Variants in LRRC4B observed in about 807,000 individuals in gnomAD.
LRRC4B encodes the protein leucine rich repeat containing 4B, also known as leucine-rich repeat-containing protein 4B.
In LRRC4B, 1 loss-of-function variant was observed where a neutral mutation model predicts 7.3. That is an observed-to-expected ratio of 0.14 (90% CI 0.05 to 0.65). LRRC4B has a LOEUF of 0.65. LRRC4B is among the 30% of genes least tolerant of loss of function. The pLI is 0.84. For missense variants in LRRC4B, 730 were observed against 1,041.6 expected (o/e 0.70, Z 4.12); for synonymous variants, 500 against 499.2 (o/e 1.00, Z -0.02).
rs1232779786 is a variant in LRRC4B at position 50,548,345 on chromosome 19, C to T, written c.297+197G>A. Among the ~76,000 whole-genome samples, 5 of 152,378 alleles carry T rather than the reference C, an allele frequency of 3.3e-5. No individual in the cohort carries two copies. Among genetic ancestry groups the T allele is most frequent in the African/African-American group, 7.2e-5 (3 of 41,588 alleles). On this transcript the variant is annotated intron_variant, in intron 2 of 2. Transcript: ENST00000652263. The surrounding 1 kb of genome is among the most constrained non-coding windows in gnomAD (Gnocchi z 6.8). ...TGGCTCAGAGACAGGGAGCACTGTG[C>T]TCTCAAAGCCCGGAGGGCCTCCACT... is the stretch of plus-strand genomic sequence containing the variant.
intron 1 of LRRC4B, among the ~76,000 whole-genome samples, chr19:50,562,210 T>C (rs556267478): frequency 1.4e-3 from 211 of 151,746 alleles, no homozygotes; most frequent in Non-Finnish European, 2.0e-3. Context: ...CTCTGTAAAC[T>C]GGGAGTCTCA....
chr19:50,517,877 C>T lies in LRRC4B; in HGVS notation c.1836G>A (p.Thr612=), dbSNP rs774752681. ...QHQLHKHHGP[T]RTVEIINVED... is the part of the protein sequence containing the mutation. ...CCACGTTGATGATCTCCACGGTGCG[C>T]GTGGGCCCGTGGTGCTTGTGGAGCT... The change falls in exon 3 of 3, where the codon ACG becomes ACA. Residue 612 remains threonine (T), a synonymous_variant. Coordinates refer to ENST00000652263, the MANE Select transcript of LRRC4B (RefSeq NM_001080457.2). This position sits in a 1 kb window ranked among gnomAD's most constrained non-coding sequence, Gnocchi z 6.6. 6.3e-7 allele frequency: 1 copy of T among 1,595,860 alleles called. No individual in the cohort carries two copies. The highest frequency in any genetic ancestry group is 8.5e-7 in the Non-Finnish European group (1 of 1,174,198).
intron 2 of LRRC4B, among the ~76,000 whole-genome samples, chr19:50,521,189 A>C (rs1980564592): frequency 6.6e-6 from 1 of 152,110 alleles, no homozygotes; most frequent in Non-Finnish European, 1.5e-5. Context: ...CGCCGAACAC[A>C]AAGGAGCCGG....
chr19:50,544,376 G>C (rs866819297), intron 2 of LRRC4B, among the ~76,000 whole-genome samples: 2 of 151,610 alleles, frequency 1.3e-5, no homozygotes, highest in African/African-American at 4.8e-5. Flanking sequence ...GTGTGGTGGC[G>C]GGCACCTGTA....
intron 1 of LRRC4B, among the ~76,000 whole-genome samples, chr19:50,552,645 C>CATCT (rs1568733964): frequency 0.05 from 4,958 of 99,376 alleles, 341 homozygotes; most frequent in African/African-American, 0.14. Flanking sequence ...TCCGCCCATC[C>CATCT]GTCCATCCAT....
chr19:50,533,495 C>G lies in LRRC4B; in HGVS notation c.298-14080G>C, dbSNP rs569534670. Among the ~76,000 whole-genome samples the G allele has an allele frequency of 7.2e-5, 11 of 152,222 alleles. No homozygotes were observed. The South Asian group carries it at 2.3e-3, about 32-fold the overall frequency. ...ATACCAAAGACCAGTTCATTCTTCT[C>G]TTCTCCTCCCAAATAATACAAAGAC... On this transcript the variant is annotated intron_variant, in intron 2 of 2. Transcript: ENST00000652263.
rs190894518 is a variant in LRRC4B, at chr19:50,553,591, C to T, written c.-35-4718G>A. ...ACCTTCTCAGTGAGGCCGTCCTGACCGCCCCGCATCAAACAGCACCCCTAT... is the reference window on the plus strand; with the variant it reads ...ACCTTCTCAGTGAGGCCGTCCTGACTGCCCCGCATCAAACAGCACCCCTAT... On this transcript the variant is annotated intron_variant, in intron 1 of 2. Coordinates refer to ENST00000652263, the MANE Select transcript of LRRC4B (RefSeq NM_001080457.2). This position sits in a 1 kb window ranked among gnomAD's most constrained non-coding sequence, Gnocchi z 4.2. Among the ~76,000 whole-genome samples, 6 of 152,332 alleles carry T rather than the reference C, an allele frequency of 3.9e-5. No homozygotes were observed. Among genetic ancestry groups the T allele is most frequent in the African/African-American group, 4.8e-5 (2 of 41,578 alleles).
At chr19:50,566,602 CCTGGGCT>C (rs767934949) in intron 1 of LRRC4B, among the ~76,000 whole-genome samples, 15 of 151,012 alleles carry the variant, frequency 9.9e-5, no homozygotes, top group Non-Finnish European at 1.9e-4. Context: ...AAGAGGCCAT[CCTGGGCT>C]CTGGAGACTC....
chr19:50,543,371 T>C (rs956932778), intron 2 of LRRC4B, among the ~76,000 whole-genome samples: 32 of 151,820 alleles, frequency 2.1e-4, no homozygotes, highest in Non-Finnish European at 4.0e-4. Flanking sequence ...TGTGTGTCTC[T>C]GTGTGTAAGG....
chr19:50,539,933 A>G (rs999046885), intron 2 of LRRC4B, among the ~76,000 whole-genome samples: 1 of 152,042 alleles, frequency 6.6e-6, no homozygotes, highest in African/African-American at 2.4e-5. Flanking sequence ...AAGAAAATCT[A>G]GAGAATAAAG....
intron 1 of LRRC4B, among the ~76,000 whole-genome samples, chr19:50,566,768 T>C (rs1982642869): frequency 7.0e-6 from 1 of 142,864 alleles, no homozygotes; most frequent in South Asian, 2.3e-4. Flanking sequence ...ATTGGGGGGG[T>C]CTGAGACTGG....
chr19:50,542,469 ATTTTTT>A (rs58092334), intron 2 of LRRC4B, among the ~76,000 whole-genome samples: 1 of 107,236 alleles, frequency 9.3e-6, no homozygotes, highest in Non-Finnish European at 1.8e-5. Flanking sequence ...AGAATTGCTG[ATTTTTT>A]TTTTTTTTTT....
intron 2 of LRRC4B, among the ~76,000 whole-genome samples, chr19:50,542,443 C>T (rs988626509): frequency 1.3e-5 from 2 of 149,762 alleles, no homozygotes; most frequent in Non-Finnish European, 3.0e-5. Flanking sequence ...GTGGTGGGGC[C>T]GGGGCAGGGC....
chr19:50,524,606 A>G (rs1980720379), intron 2 of LRRC4B, among the ~76,000 whole-genome samples: 2 of 152,200 alleles, frequency 1.3e-5, no homozygotes, highest in African/African-American at 4.8e-5. Flanking sequence ...ATAATAAAGA[A>G]AAAACCAAAC....
At chr19:50,523,043 A>G (rs1168644774) in intron 2 of LRRC4B, among the ~76,000 whole-genome samples, 1 of 152,240 alleles carries the variant, frequency 6.6e-6, no homozygotes, top group Non-Finnish European at 1.5e-5. Context: ...CTCTGGTTCC[A>G]GAGTCCTGGC....
chr19:50,531,049 A>G (rs1195554995), intron 2 of LRRC4B, among the ~76,000 whole-genome samples: 2 of 151,712 alleles, frequency 1.3e-5, no homozygotes, highest in Non-Finnish European at 2.9e-5. Flanking sequence ...TGCCCAGCCT[A>G]GGCTCACTTT....
chr19:50,541,387 A>AG (rs1370785497), intron 2 of LRRC4B, among the ~76,000 whole-genome samples: 7 of 150,024 alleles, frequency 4.7e-5, no homozygotes, highest in Non-Finnish European at 8.9e-5. Context: ...AAAAAAAAGA[A>AG]AAAGAAAAAG....
Position 50,518,577 on chromosome 19 carries a change from A to C in LRRC4B, c.1136T>G (p.Met379Arg). Residue 379 changes from methionine (M) to arginine (R), a missense_variant, in exon 3 of 3, where the codon ATG becomes AGG. Physicochemically the swap from Met to Arg is moderately conservative, Grantham distance 91 (BLOSUM62 -1). Around this residue, in one of 6 missense-constraint regions of LRRC4B, gnomAD observed 226 missense variants for 448.0 expected, o/e 0.50. Transcript: ENST00000652263. ...CGTGCGGCATTTGAGCTCGGCAGCC[A>C]TGCCCTCGGTGACGTTGAGGTCCGT... Reference protein sequence around the residue: ...PPTDLNVTEGMAAELKCRTGT... With the variant: ...PPTDLNVTEGRAAELKCRTGT... The C allele has an allele frequency of 6.3e-7, 1 of 1,594,092 alleles. No homozygotes were observed. The highest frequency in any genetic ancestry group is 1.3e-5 in the African/African-American group (1 of 74,754).
Position 50,517,810 on chromosome 19 carries a change from CGGCGGCCACGGACACGGCCGA to C in LRRC4B, c.1882_1902del (p.Ser628_Ala634del), listed in dbSNP as rs1601366035. 9 of 1,552,930 alleles carry C rather than the reference CGGCGGCCACGGACACGGCCGA, an allele frequency of 5.8e-6. No individual in the cohort carries two copies. Among genetic ancestry groups the C allele is most frequent in the Non-Finnish European group, 6.9e-6 (8 of 1,155,622 alleles). On this transcript the variant is annotated inframe_deletion, in exon 3 of 3. Coordinates refer to ENST00000652263, the MANE Select transcript of LRRC4B (RefSeq NM_001080457.2). The surrounding 1 kb of genome is among the most constrained non-coding windows in gnomAD (Gnocchi z 6.6). ...CCACCCCCACTGGCCACGGCGGCCG[CGGCGGCCACGGACACGGCCGA>C]GGCGGCGGGCAGCTCGTCCTCCACG...
Sources: allele counts gnomAD v4.1 joint callset (sites outside exome capture counted in the v4.1 genomes callset), GRCh38; gene constraint gnomAD v4.1.1; regional missense constraint gnomAD v4.1.1; non-coding constraint Gnocchi (gnomAD v3.1); transcripts MANE v1.5; gene names NCBI Gene and HGNC (gene_info 2026-07-23, HGNC 2026-07-21).